GLIS3: variants seen among roughly 807,000 people sequenced by gnomAD.
GLIS3 encodes the protein zinc finger protein GLIS3.
In GLIS3, 53 loss-of-function variants were observed where a neutral mutation model predicts 78.6. The observed-to-expected ratio is 0.67, with a 90% CI of 0.54 to 0.85. The LOEUF is 0.85. Ranked by LOEUF, GLIS3 falls within the 40% of genes least tolerant of loss-of-function variation. The probability of loss-of-function intolerance (pLI) is 0.00; values close to 1 mark genes in which losing one functional copy is unlikely to be tolerated. For missense variants in GLIS3, 1,703 were observed against 1,231.1 expected (o/e 1.38, Z -5.74); for synonymous variants, 684 against 509.9 (o/e 1.34, Z -4.60).
chr9:4,342,693 G>A (rs1189658538), intron 2 of GLIS3, among the ~76,000 whole-genome samples: 1 of 152,130 alleles, frequency 6.6e-6, no homozygotes, highest in Admixed American at 6.5e-5. Context: ...TGGGCAGTAT[G>A]GCCATTTTAA....
intron 2 of GLIS3, among the ~76,000 whole-genome samples, chr9:4,251,833 G>A (rs1490846389): frequency 5.3e-5 from 8 of 152,150 alleles, no homozygotes; most frequent in Non-Finnish European, 4.4e-5. Flanking sequence ...TTGCTTGTCT[G>A]TAAAGGATTT....
intron 4 of GLIS3, among the ~76,000 whole-genome samples, chr9:4,108,711 TCAAA>T (rs1830968922): frequency 6.6e-6 from 1 of 152,220 alleles, no homozygotes; most frequent in Admixed American, 6.5e-5. Context: ...GAAACCACTT[TCAAA>T]CAAACATTCT....
At chr9:3,994,045 T>G (rs1288247623) in intron 4 of GLIS3, among the ~76,000 whole-genome samples, 2 of 152,216 alleles carry the variant, frequency 1.3e-5, no homozygotes, top group African/African-American at 2.4e-5. Flanking sequence ...CCTCAGAGTT[T>G]GCTGACTGAG....
At chr9:3,887,044 C>G (rs1588153423) in intron 7 of GLIS3, among the ~76,000 whole-genome samples, 1 of 152,300 alleles carries the variant, frequency 6.6e-6, no homozygotes, top group South Asian at 2.1e-4. Context: ...GCACAGTCAT[C>G]TCTCTAATCT....
At chr9:4,248,600 T>C (rs1824038359) in intron 2 of GLIS3, among the ~76,000 whole-genome samples, 1 of 152,236 alleles carries the variant, frequency 6.6e-6, no homozygotes, top group African/African-American at 2.4e-5. Flanking sequence ...TTTGGGTATA[T>C]ACTCAGTAGT....
chr9:3,932,501 T>C (rs772658944), intron 5 of GLIS3, 31 bp from the exon 6 acceptor site: 8 of 1,484,250 alleles, frequency 5.4e-6, no homozygotes, highest in Non-Finnish European at 4.7e-6. Context: ...GAAACAGCTG[T>C]GGTTAAATCA....
At chr9:4,464,540 GC>G in the GLIS3 span, among the ~76,000 whole-genome samples, 6 of 151,994 alleles carry the variant, frequency 3.9e-5, no homozygotes, top group East Asian at 1.2e-3. Flanking sequence ...GATTACAAGT[GC>G]CCACCACAAC....
At chr9:4,139,452 G>T (rs1833641812) in intron 2 of GLIS3, among the ~76,000 whole-genome samples, 1 of 152,230 alleles carries the variant, frequency 6.6e-6, no homozygotes, top group South Asian at 2.1e-4. Flanking sequence ...AGAAGACTGA[G>T]GTCCCTGGTG....
intron 4 of GLIS3, among the ~76,000 whole-genome samples, chr9:4,106,927 G>C (rs559975026): frequency 1.3e-5 from 2 of 152,084 alleles, no homozygotes; most frequent in African/African-American, 4.8e-5. Flanking sequence ...TTTGGACAAG[G>C]TGGGAAAAAC....
chr9:4,487,800 G>A, the GLIS3 span, among the ~76,000 whole-genome samples: 1 of 151,626 alleles, frequency 6.6e-6, no homozygotes, highest in Non-Finnish European at 1.5e-5. Flanking sequence ...CTATCCTCTT[G>A]CCTCAGCCTC....
intron 4 of GLIS3, among the ~76,000 whole-genome samples, chr9:4,080,221 G>C (rs1474788906): frequency 6.6e-6 from 1 of 152,078 alleles, no homozygotes; most frequent in African/African-American, 2.4e-5. Context: ...TATTTTTCCA[G>C]CATTCTTGCA....
chr9:4,089,718 C>G (rs1829329757), intron 4 of GLIS3, among the ~76,000 whole-genome samples: 2 of 152,012 alleles, frequency 1.3e-5, no homozygotes, highest in South Asian at 4.1e-4. Flanking sequence ...ACTTGGGAGG[C>G]TGAGGTGGGA....
intron 4 of GLIS3, among the ~76,000 whole-genome samples, chr9:4,072,294 G>A (rs1314289949): frequency 6.6e-6 from 1 of 152,084 alleles, no homozygotes; most frequent in African/African-American, 2.4e-5. Flanking sequence ...GTCAAAGATG[G>A]GCTCTCTACG....
chr9:4,453,469 T>G, the GLIS3 span, among the ~76,000 whole-genome samples: 1 of 151,434 alleles, frequency 6.6e-6, no homozygotes. Flanking sequence ...ACAAAGAACT[T>G]AAACAAATTT....
chr9:4,175,000 T>C (rs148073364), intron 2 of GLIS3, among the ~76,000 whole-genome samples: 2 of 152,308 alleles, frequency 1.3e-5, no homozygotes, highest in East Asian at 1.9e-4. Context: ...GATCAGAGTG[T>C]ACTTAATTGA....
At chr9:4,233,274 G>A (rs1363385929) in intron 2 of GLIS3, among the ~76,000 whole-genome samples, 1 of 152,180 alleles carries the variant, frequency 6.6e-6, no homozygotes, top group African/African-American at 2.4e-5. Context: ...TGTCACCACA[G>A]AAACCCTCAA....
At chr9:3,957,869 T>C (rs1008371150) in intron 4 of GLIS3, among the ~76,000 whole-genome samples, 1 of 152,238 alleles carries the variant, frequency 6.6e-6, no homozygotes, top group Non-Finnish European at 1.5e-5. Context: ...CAAAATGCTC[T>C]GCCTGAAATG....
chr9:3,971,213 G>A (rs1818361689), intron 4 of GLIS3, among the ~76,000 whole-genome samples: 1 of 151,640 alleles, frequency 6.6e-6, no homozygotes, highest in Non-Finnish European at 1.5e-5. Flanking sequence ...CCCTCTCAAA[G>A]TGGAGAACAT....
At chr9:3,872,351 G>A (rs1371031369) in intron 8 of GLIS3, among the ~76,000 whole-genome samples, 3 of 152,118 alleles carry the variant, frequency 2.0e-5, no homozygotes, top group Non-Finnish European at 4.4e-5. Context: ...ATCTACTGTA[G>A]CACCCCACTC....
Sources: allele counts gnomAD v4.1 joint callset (sites outside exome capture counted in the v4.1 genomes callset), GRCh38; gene constraint gnomAD v4.1.1; transcripts MANE v1.5; gene names NCBI Gene and HGNC (gene_info 2026-07-23, HGNC 2026-07-21).